Variants in FANCA observed in about 807,000 individuals in gnomAD.
The protein encoded by FANCA is Fanconi anemia group A protein.
In FANCA, 236 loss-of-function variants were observed where a neutral mutation model predicts 194.3. That is an observed-to-expected ratio of 1.21 (90% CI 1.09 to 1.35). The LOEUF (loss-of-function observed/expected upper bound fraction) is 1.35, where lower values mean the gene tolerates loss of function less well. FANCA is among the 40% of genes most tolerant of loss of function. The pLI is 0.00. For synonymous variants in FANCA, 1,014 were observed against 715.8 expected, an observed-to-expected ratio of 1.42 and a Z score of -6.65; for missense variants, 2,628 against 1,813.9, an observed-to-expected ratio of 1.45 and a Z score of -8.15.
intron 37 of FANCA, among the ~76,000 whole-genome samples, chr16:89,741,826 T>G (rs1420685761): frequency 6.6e-6 from 1 of 152,218 alleles, no homozygotes; most frequent in Non-Finnish European, 1.5e-5. Flanking sequence ...TCAAGGCTAC[T>G]GCAGCATGAA....
chr16:89,790,407 AG>A (rs2040029312), intron 14 of FANCA, among the ~76,000 whole-genome samples: 2 of 131,662 alleles, frequency 1.5e-5, no homozygotes, highest in Admixed American at 7.9e-5. Context: ...AAAATAAATA[AG>A]TAAATAAATA....
chr16:89,811,824 A>C (rs1354663454), intron 3 of FANCA, among the ~76,000 whole-genome samples: 3 of 152,082 alleles, frequency 2.0e-5, no homozygotes, highest in African/African-American at 7.2e-5. Context: ...TCCGCCTCTC[A>C]GGTTCAAGCG....
intron 28 of FANCA, among the ~76,000 whole-genome samples, chr16:89,763,259 T>A (rs986271407): frequency 1.3e-5 from 2 of 149,300 alleles, no homozygotes; most frequent in Non-Finnish European, 1.5e-5. Context: ...AAAAAAAAAA[T>A]AATAATTTAA....
chr16:89,742,719 A>C, intron 37 of FANCA, 81 bp downstream of exon 37: 2 of 1,495,912 alleles, frequency 1.3e-6, no homozygotes, highest in South Asian at 2.3e-5. Context: ...AAAACAGTTC[A>C]TCAGACAAGC....
At chr16:89,762,526 C>G (rs1030208458) in intron 28 of FANCA, 2 of 202,512 alleles carry the variant, frequency 9.9e-6, no homozygotes, top group Non-Finnish European at 9.6e-6. Context: ...CCCAGGAGGT[C>G]AAGGCTGCAG....
At chr16:89,774,376 C>A (rs543392334) in intron 21 of FANCA, among the ~76,000 whole-genome samples, 2 of 152,090 alleles carry the variant, frequency 1.3e-5, no homozygotes, top group African/African-American at 2.4e-5. Flanking sequence ...CGCCTCACAC[C>A]GCAGGGTACA....
chr16:89,739,488 C>G lies in FANCA; in HGVS notation c.4000G>C (p.Ala1334Pro), dbSNP rs925649874. Residue 1334 changes from alanine (A) to proline (P), a missense_variant, in exon 40 of 43, where the codon GCT becomes CCT. By Grantham distance (27) the Ala-to-Pro change is conservative (BLOSUM62 -1). Coordinates refer to ENST00000389301, the MANE Select transcript of FANCA (RefSeq NM_000135.4). ...TGTGGGTGGAGGTACCTGTAAAAAG[C>G]GAAAGGCAGCAGCCTGGTGTGCTGA... ...PDQHTRLLPFAFYSLLSYFHE... is the reference protein window; with the variant it reads ...PDQHTRLLPFPFYSLLSYFHE... 1.3e-6 allele frequency: 2 copies of G among 1,551,092 alleles called. No homozygotes were observed. Among genetic ancestry groups the G allele is most frequent in the Non-Finnish European group, 1.7e-6 (2 of 1,147,252 alleles).
At chr16:89,769,806 G>C (rs1376210710) in intron 26 of FANCA, 31 bp downstream of exon 26, 4 of 1,611,900 alleles carry the variant, frequency 2.5e-6, no homozygotes, top group African/African-American at 1.3e-5. Flanking sequence ...AGAGAGAGGA[G>C]AGAAGACGCG....
chr16:89,746,468 A>G, intron 35 of FANCA, 116 bp downstream of exon 35: 6 of 844,276 alleles, frequency 7.1e-6, no homozygotes, highest in Admixed American at 5.9e-5. Context: ...CTCCTGATGC[A>G]TTTTCCCTGA....
chr16:89,780,698 G>A (rs1313455179), intron 17 of FANCA, among the ~76,000 whole-genome samples: 1 of 151,736 alleles, frequency 6.6e-6, no homozygotes, highest in African/African-American at 2.4e-5. Flanking sequence ...GGGGGCCAAG[G>A]CGGAAGGATC....
intron 30 of FANCA, among the ~76,000 whole-genome samples, chr16:89,758,284 G>C (rs1410351850): frequency 6.6e-6 from 1 of 152,192 alleles, no homozygotes; most frequent in East Asian, 1.9e-4. Context: ...ACCAAAATTG[G>C]ACTGAGAGAA....
rs771837383 is a variant in FANCA at position 89,767,132 on chromosome 16, T to A, written c.2601+9A>T. On this transcript the variant is annotated intron_variant, in intron 27 of 42. Transcript: ENST00000389301. ...GCAGAATGGAAAAATAGGAAAAGAG[T>A]GAACCTACCTTTTTAATAAGGCCTG... is the stretch of plus-strand genomic sequence containing the variant. The A allele has an allele frequency of 5.6e-6, 9 of 1,599,236 alleles. No homozygotes were observed. The highest frequency in any genetic ancestry group is 1.1e-5 in the South Asian group (1 of 90,784).
At chr16:89,760,521 C>T (rs2038917195) in intron 29 of FANCA, among the ~76,000 whole-genome samples, 1 of 152,106 alleles carries the variant, frequency 6.6e-6, no homozygotes, top group African/African-American at 2.4e-5. Context: ...GGCCCATATA[C>T]CCACCAGGAT....
chr16:89,752,332 G>C, intron 30 of FANCA, 110 bp from the exon 31 acceptor site: 1 of 887,000 alleles, frequency 1.1e-6, no homozygotes, highest in Non-Finnish European at 1.9e-6. Context: ...CTCTGACAGT[G>C]TGACCCTCAC....
intron 6 of FANCA, among the ~76,000 whole-genome samples, chr16:89,807,447 T>C (rs569984311): frequency 6.6e-6 from 1 of 150,926 alleles, no homozygotes; most frequent in African/African-American, 2.4e-5. Flanking sequence ...AGCAGGTCTC[T>C]GTCTCAAAAA....
chr16:89,800,852 G>A (rs1161862096), intron 8 of FANCA, among the ~76,000 whole-genome samples: 1 of 152,072 alleles, frequency 6.6e-6, no homozygotes, highest in Non-Finnish European at 1.5e-5. Context: ...CCAACAAGGT[G>A]AAACCCTGTC....
chr16:89,781,710 T>A (rs1423518130), intron 17 of FANCA, among the ~76,000 whole-genome samples: 6 of 134,120 alleles, frequency 4.5e-5, no homozygotes, highest in Non-Finnish European at 8.0e-5. Flanking sequence ...TAAAGAATGT[T>A]TTCATTAGGC....
intron 22 of FANCA, among the ~76,000 whole-genome samples, chr16:89,772,848 G>A (rs1008750566): frequency 8.6e-5 from 13 of 151,884 alleles, no homozygotes; most frequent in African/African-American, 2.9e-4. Flanking sequence ...GAAACTGCAT[G>A]TTCTCAATCC....
At chr16:89,802,794 CAGA>C (rs1567645223) in intron 8 of FANCA, among the ~76,000 whole-genome samples, 1 of 152,024 alleles carries the variant, frequency 6.6e-6, no homozygotes, top group Non-Finnish European at 1.5e-5. Context: ...AAGCCAGGCA[CAGA>C]AGGACAAATA....
Sources: gnomAD v4.1 joint callset for allele counts (sites outside exome capture counted in the v4.1 genomes callset) on GRCh38, gnomAD v4.1.1 for gene constraint, MANE v1.5 for transcripts, NCBI Gene and HGNC (gene_info 2026-07-23, HGNC 2026-07-21) for gene names.